The following ARID3C variants were observed in gnomAD, a reference collection of about 807,000 sequenced individuals.
The protein encoded by ARID3C is AT-rich interactive domain-containing protein 3C.
In ARID3C, 42 loss-of-function variants were observed where a neutral mutation model predicts 37.9. That is an observed-to-expected ratio of 1.11 (90% CI 0.87 to 1.43). ARID3C has a LOEUF of 1.43. Among genes scored for constraint, ARID3C ranks in the 40% most tolerant of loss-of-function variants. The probability of loss-of-function intolerance (pLI) is 0.00; values close to 1 mark genes in which losing one functional copy is unlikely to be tolerated. For synonymous variants in ARID3C, 213 were observed against 228.0 expected (o/e 0.93, Z 0.59); for missense variants, 581 against 548.8 (o/e 1.06, Z -0.59).
At chr9:34,621,884 A>G (rs893278475) in intron 6 of ARID3C, 136 bp downstream of exon 7, 11 of 884,538 alleles carry the variant, frequency 1.2e-5, no homozygotes, top group African/African-American at 5.0e-5. Context: ...CAGTCTAGCA[A>G]TCCCCTGAAC....
upstream of ARID3C, among the ~76,000 whole-genome samples, chr9:34,631,243 G>T (rs1169779062): frequency 6.6e-6 from 1 of 152,162 alleles, no homozygotes; most frequent in Non-Finnish European, 1.5e-5. Flanking sequence ...TAGGGTTTGG[G>T]TTGAATGGTA....
chr9:34,624,812 G>A (rs1398034585), intron 2 of ARID3C, among the ~76,000 whole-genome samples: 2 of 152,216 alleles, frequency 1.3e-5, no homozygotes, highest in Non-Finnish European at 2.9e-5. Context: ...CCCTCCCCCT[G>A]CAGCTGGAGC....
intron 1 of ARID3C, among the ~76,000 whole-genome samples, chr9:34,627,345 T>TGCC (rs1047747310): frequency 1.7e-4 from 26 of 152,062 alleles, no homozygotes; most frequent in African/African-American, 6.0e-4. Flanking sequence ...GCCCCTAGAC[T>TGCC]GCCTTCCCTA....
At chr9:34,625,640 G>A (rs1284717204) in intron 2 of ARID3C, 102 bp downstream of exon 3, 2 of 1,287,842 alleles carry the variant, frequency 1.6e-6, no homozygotes, top group African/African-American at 1.5e-5. Context: ...CAAAGGACAG[G>A]TGCTGCCAAG....
chr9:34,629,653 G>T (rs1820705141), upstream of ARID3C, among the ~76,000 whole-genome samples: 1 of 152,234 alleles, frequency 6.6e-6, no homozygotes, highest in Non-Finnish European at 1.5e-5. Context: ...AGGTCTTTAA[G>T]CTGACTGCAC....
chr9:34,629,878 G>A (rs763056108), upstream of ARID3C, among the ~76,000 whole-genome samples: 6 of 151,780 alleles, frequency 4.0e-5, no homozygotes, highest in African/African-American at 9.7e-5. Context: ...TCAGCCTCCC[G>A]AATAGCTGGA....
chr9:34,629,574 C>T (rs1051850535), upstream of ARID3C, among the ~76,000 whole-genome samples: 3 of 152,216 alleles, frequency 2.0e-5, no homozygotes, highest in African/African-American at 7.2e-5. Flanking sequence ...CCACTGCGGG[C>T]ATGCTGCGGT....
At chr9:34,623,239 T>C (rs1446993078) in intron 4 of ARID3C, among the ~76,000 whole-genome samples, 186 bp downstream of exon 5, 1 of 151,682 alleles carries the variant, frequency 6.6e-6, no homozygotes, top group East Asian at 1.9e-4. Flanking sequence ...AGAGCTCTCA[T>C]TTGGCCGCAA....
chr9:34,623,667 C>T (rs775193878), exon 4 of ARID3C: 1 of 1,583,776 alleles, frequency 6.3e-7, no homozygotes, highest in Non-Finnish European at 8.6e-7. Flanking sequence ...CCCTGGGGAG[C>T]TGAGCGCTCG....
exon 3 of ARID3C, chr9:34,623,885 G>T: frequency 6.3e-7 from 1 of 1,599,466 alleles, no homozygotes. Context: ...AGTGAAGGCG[G>T]CCGAGGTGAT....
At chr9:34,622,760 T>C (rs1428853458) in intron 4 of ARID3C, among the ~76,000 whole-genome samples, 3 of 152,212 alleles carry the variant, frequency 2.0e-5, no homozygotes, top group Admixed American at 2.0e-4. Flanking sequence ...TTTTTGGCTG[T>C]TGGTTATTAA....
upstream of ARID3C, among the ~76,000 whole-genome samples, chr9:34,629,345 C>G (rs536352301): frequency 6.6e-6 from 1 of 152,234 alleles, no homozygotes; most frequent in South Asian, 2.1e-4. Flanking sequence ...TACAAATAGC[C>G]GCATCCACAC....
chr9:34,623,525 G>A (rs770157441), exon 4 of ARID3C: 123 of 1,564,412 alleles, frequency 7.9e-5, no homozygotes, highest in Non-Finnish European at 1.0e-4. Flanking sequence ...TCGCCGGAGG[G>A]GCGGGGCCGG....
intron 4 of ARID3C, 33 bp downstream of exon 5, chr9:34,623,392 G>T: frequency 6.8e-7 from 1 of 1,473,230 alleles, no homozygotes. Context: ...AAACCTCAGA[G>T]ACCCCGAAAC....
downstream of ARID3C, among the ~76,000 whole-genome samples, chr9:34,621,102 C>T (rs76093916): frequency 0.034 from 5,244 of 152,266 alleles, 134 homozygotes; most frequent in South Asian, 0.1. Context: ...ATGTCTCTTT[C>T]ACAGTACCCC....
chr9:34,628,771 G>C (rs1820692864), upstream of ARID3C, among the ~76,000 whole-genome samples: 1 of 152,212 alleles, frequency 6.6e-6, no homozygotes. This position sits in a 1 kb window ranked among gnomAD's most constrained non-coding sequence, Gnocchi z 5.2. Flanking sequence ...CAGCCGGAGA[G>C]AGGGGCAGAG....
upstream of ARID3C, chr9:34,628,124 C>G: frequency 7.4e-7 from 1 of 1,353,188 alleles, no homozygotes; most frequent in Non-Finnish European, 9.7e-7. This position sits in a 1 kb window ranked among gnomAD's most constrained non-coding sequence, Gnocchi z 5.2. Context: ...GGCCCTACTG[C>G]CCCCAGAGCC....
chr9:34,624,089 C>G, intron 2 of ARID3C, 42 bp from the exon 4 acceptor site: 1 of 1,530,190 alleles, frequency 6.5e-7, no homozygotes, highest in Non-Finnish European at 8.8e-7. Context: ...GAGACGAAGA[C>G]CCTGTCTGCA....
chr9:34,630,800 C>A (rs1463992244), upstream of ARID3C, among the ~76,000 whole-genome samples: 1 of 152,188 alleles, frequency 6.6e-6, no homozygotes, highest in Non-Finnish European at 1.5e-5. Context: ...CCATTCATTC[C>A]TTTGGCTGCC....
Sources: gnomAD v4.1 joint callset for allele counts (sites outside exome capture counted in the v4.1 genomes callset) on GRCh38, gnomAD v4.1.1 for gene constraint, Gnocchi (gnomAD v3.1) non-coding constraint, MANE v1.5 for transcripts, NCBI Gene and HGNC (gene_info 2026-07-23, HGNC 2026-07-21) for gene names.